PXDNL: variants seen among roughly 807,000 people sequenced by gnomAD.
The protein encoded by PXDNL is peroxidasin like.
PXDNL carries 145 observed loss-of-function variants against 150.8 expected under a neutral mutation model. The observed-to-expected ratio is 0.96, with a 90% CI of 0.84 to 1.10. The LOEUF is 1.10. Ranked by LOEUF, PXDNL falls within the 50% of genes least tolerant of loss-of-function variation. The pLI is 0.00. For missense variants in PXDNL, 2,087 were observed against 1,873.9 expected (o/e 1.11, Z -2.10); for synonymous variants, 757 against 725.7 (o/e 1.04, Z -0.69).
intron 4 of PXDNL, among the ~76,000 whole-genome samples, chr8:51,538,666 C>T (rs1450668811): frequency 6.6e-6 from 1 of 151,984 alleles, no homozygotes; most frequent in East Asian, 1.9e-4. Flanking sequence ...ACTCAGGAGG[C>T]TGAGGCAGGA....
intron 2 of PXDNL, among the ~76,000 whole-genome samples, chr8:51,600,979 T>A (rs554494872): frequency 0.011 from 1,530 of 139,534 alleles, 14 homozygotes; most frequent in South Asian, 0.025. Context: ...TTTATATAAT[T>A]AATTATATCT....
chr8:51,785,508 C>T (rs763896343), intron 1 of PXDNL, among the ~76,000 whole-genome samples: 7 of 152,244 alleles, frequency 4.6e-5, no homozygotes, highest in African/African-American at 1.7e-4. Flanking sequence ...ATTTTCCCAA[C>T]AGCATGTGCT....
At chr8:51,568,794 C>A (rs892608407) in intron 3 of PXDNL, among the ~76,000 whole-genome samples, 1 of 151,758 alleles carries the variant, frequency 6.6e-6, no homozygotes, top group African/African-American at 2.4e-5. Context: ...ATTTTTCCAT[C>A]CTTTTTCTCT....
intron 1 of PXDNL, among the ~76,000 whole-genome samples, chr8:51,698,208 T>C (rs2130876455): frequency 6.6e-6 from 1 of 152,358 alleles, no homozygotes; most frequent in South Asian, 2.1e-4. Context: ...TCATGAAGAA[T>C]TTCTCTGTAT....
At chr8:51,439,320 A>C (rs1563412615) in intron 12 of PXDNL, among the ~76,000 whole-genome samples, 1 of 152,240 alleles carries the variant, frequency 6.6e-6, no homozygotes, top group Admixed American at 6.5e-5. Flanking sequence ...AACATATGAA[A>C]AAATGCTCAA....
intron 8 of PXDNL, among the ~76,000 whole-genome samples, chr8:51,463,065 C>T (rs1810119943): frequency 6.6e-6 from 1 of 152,020 alleles, no homozygotes; most frequent in African/African-American, 2.4e-5. Flanking sequence ...AAAATTCTTC[C>T]CAGACAAGCA....
intron 21 of PXDNL, among the ~76,000 whole-genome samples, chr8:51,330,723 T>C (rs1805653383): frequency 6.6e-6 from 1 of 152,208 alleles, no homozygotes; most frequent in Non-Finnish European, 1.5e-5. Context: ...CACTACACCC[T>C]TTGAACCCCT....
Position 51,611,743 on chromosome 8 carries a change from G to T in PXDNL, c.237-19045C>A, listed in dbSNP as rs553280549. On this transcript the variant is annotated intron_variant, in intron 2 of 22. Transcript: ENST00000356297. ...GAGGGGTGAGTCCAGAGATTCCCAG[G>T]AGGGAGCACGGCTTTCTGGAAGAGA... Among the ~76,000 whole-genome samples the T allele has an allele frequency of 1.6e-4, 25 of 152,288 alleles. No homozygotes were observed. The South Asian group carries it at 2.3e-3, about 14-fold the overall frequency.
At chr8:51,399,565 G>A (rs1808185921) in intron 17 of PXDNL, among the ~76,000 whole-genome samples, 1 of 152,132 alleles carries the variant, frequency 6.6e-6, no homozygotes, top group Non-Finnish European at 1.5e-5. Flanking sequence ...GTGGTTGCTG[G>A]GAAGGGTCTG....
chr8:51,635,673 T>TG (rs71550277), intron 2 of PXDNL, among the ~76,000 whole-genome samples: 3 of 151,448 alleles, frequency 2.0e-5, no homozygotes, highest in Non-Finnish European at 3.0e-5. Flanking sequence ...AAAATCTGAG[T>TG]GGGGGGCGAA....
chr8:51,631,747 A>C (rs1814491756), intron 2 of PXDNL, among the ~76,000 whole-genome samples: 1 of 152,156 alleles, frequency 6.6e-6, no homozygotes, highest in Admixed American at 6.6e-5. Context: ...CACCATAATA[A>C]AGATGTAATA....
intron 2 of PXDNL, among the ~76,000 whole-genome samples, chr8:51,635,038 G>A (rs1814577629): frequency 6.6e-6 from 1 of 152,058 alleles, no homozygotes; most frequent in Non-Finnish European, 1.5e-5. Context: ...GTGAGAGTAG[G>A]TATCCTGTCT....
chr8:51,515,749 C>T (rs1048182273), intron 4 of PXDNL, among the ~76,000 whole-genome samples: 7 of 152,134 alleles, frequency 4.6e-5, no homozygotes, highest in Non-Finnish European at 7.4e-5. Flanking sequence ...AAATAACAAT[C>T]TTTTGGAAGT....
At chr8:51,389,893 A>G (rs1807839498) in intron 17 of PXDNL, among the ~76,000 whole-genome samples, 1 of 152,210 alleles carries the variant, frequency 6.6e-6, no homozygotes, top group South Asian at 2.1e-4. Flanking sequence ...AGTAGCTTTT[A>G]TGTCACATTT....
intron 4 of PXDNL, among the ~76,000 whole-genome samples, chr8:51,513,161 G>A (rs190766840): frequency 6.6e-6 from 1 of 152,368 alleles, no homozygotes; most frequent in East Asian, 1.9e-4. Flanking sequence ...GCAGAGGGGA[G>A]ATGAACAAGT....
intron 14 of PXDNL, among the ~76,000 whole-genome samples, chr8:51,418,399 T>C (rs1808857756): frequency 6.6e-6 from 1 of 152,220 alleles, no homozygotes; most frequent in Non-Finnish European, 1.5e-5. Context: ...CCAATTTCAC[T>C]TCATTAATGT....
intron 17 of PXDNL, among the ~76,000 whole-genome samples, chr8:51,400,386 T>C (rs1198985770): frequency 6.6e-6 from 1 of 152,228 alleles, no homozygotes; most frequent in African/African-American, 2.4e-5. Context: ...GGATTTTTGA[T>C]TTTTGAGCAT....
intron 4 of PXDNL, among the ~76,000 whole-genome samples, chr8:51,521,757 A>G (rs546793449): frequency 6.6e-6 from 1 of 152,298 alleles, no homozygotes; most frequent in Admixed American, 6.5e-5. Context: ...GTCAGTCAAA[A>G]GGAAAGAAAA....
intron 1 of PXDNL, among the ~76,000 whole-genome samples, chr8:51,707,450 T>C (rs546192415): frequency 6.6e-5 from 10 of 152,346 alleles, no homozygotes; most frequent in Non-Finnish European, 1.3e-4. Context: ...AACATACTCA[T>C]CACCTCCACA....
Sources: gnomAD v4.1 joint callset for allele counts (sites outside exome capture counted in the v4.1 genomes callset) on GRCh38, gnomAD v4.1.1 for gene constraint, MANE v1.5 for transcripts, NCBI Gene and HGNC (gene_info 2026-07-23, HGNC 2026-07-21) for gene names.